The following ZNF578 variants were observed in gnomAD, a reference collection of about 807,000 sequenced individuals.
ZNF578 encodes the protein zinc finger protein 578.
Under a neutral mutation model 8.3 loss-of-function variants are expected in ZNF578, and 8 were observed. The ratio of observed to expected loss-of-function variants is 0.96; its 90% CI spans 0.56 to 1.74. The LOEUF (loss-of-function observed/expected upper bound fraction) is 1.74. ZNF578 is among the 40% of genes most tolerant of loss of function. The pLI is 0.00. For missense variants in ZNF578, 726 were observed against 707.5 expected, an observed-to-expected ratio of 1.03 and a Z score of -0.30; for synonymous variants, 206 against 232.2, an observed-to-expected ratio of 0.89 and a Z score of 1.03.
At chr19:52,506,106 G>A (rs1164431489) in intron 5 of ZNF578, among the ~76,000 whole-genome samples, 1 of 151,960 alleles carries the variant, frequency 6.6e-6, no homozygotes, top group African/African-American at 2.4e-5. Flanking sequence ...CACCATGTTG[G>A]CTAGGCTTCT....
At position 52,511,176 on chromosome 19, in the gene ZNF578, C is replaced by T. The variant is rs1202280107; in HGVS notation, c.795C>T (p.Gly265=). Residue 265 remains glycine (G), a synonymous_variant, in exon 6 of 6, where the codon GGC becomes GGT. Transcript: ENST00000421239. ...GEKQYKFDIC[G]KVFNEKRYLA... is the part of the protein sequence containing the mutation. ...AACAATATAAATTTGATATATGTGG[C>T]AAAGTCTTTAATGAGAAGCGATACC... 6.2e-7 allele frequency: 1 copy of T among 1,614,068 alleles called. No individual in the cohort carries two copies. The highest frequency in any genetic ancestry group is 1.3e-5 in the African/African-American group (1 of 74,942).
intron 3 of ZNF578, among the ~76,000 whole-genome samples, chr19:52,492,646 AAAC>A (rs1419084290): frequency 4.6e-5 from 7 of 152,126 alleles, no homozygotes; most frequent in Non-Finnish European, 7.4e-5. Flanking sequence ...AACACCCAAA[AAAC>A]AGAGGAGCTG....
intron 5 of ZNF578, among the ~76,000 whole-genome samples, chr19:52,508,612 A>G (rs780349439): frequency 6.6e-6 from 1 of 151,494 alleles, no homozygotes; most frequent in East Asian, 2.0e-4. Context: ...AACTTAACCA[A>G]CAGGAGAAAC....
intron 3 of ZNF578, among the ~76,000 whole-genome samples, chr19:52,495,152 A>T (rs1227927817): frequency 7.0e-6 from 1 of 142,584 alleles, no homozygotes; most frequent in Admixed American, 7.1e-5. Flanking sequence ...CAGCCTACAT[A>T]CTAATTATTA....
At position 52,494,746 on chromosome 19, in the gene ZNF578, C is replaced by T. The variant is rs557010636; in HGVS notation, c.-20+3321C>T. ...CAGTGACATTCAGTTGTGAGTCACT[C>T]TCTTCCCTTTTCCCAGGGTGGGGTA... On this transcript the variant is annotated intron_variant, in intron 3 of 5. Coordinates refer to ENST00000421239, the MANE Select transcript of ZNF578 (RefSeq NM_001099694.2). 2.0e-5 allele frequency among the ~76,000 whole-genome samples: 3 copies of T among 152,142 alleles called. No individual in the cohort carries two copies. In the South Asian group the frequency reaches 6.2e-4, roughly 32 times the overall value.
chr19:52,514,109 C>T lies in ZNF578; in HGVS notation c.*1955C>T, dbSNP rs1279121780. ...CTTCCCTTTTTTTTCCTTCTGGTTC[C>T]TCTTCAGTTCTCTATTTATTTTTTC... On this transcript the variant is annotated 3_prime_UTR_variant, in exon 6 of 6. Coordinates refer to ENST00000421239, the MANE Select transcript of ZNF578 (RefSeq NM_001099694.2). 2.0e-5 allele frequency among the ~76,000 whole-genome samples: 3 copies of T among 148,780 alleles called. No homozygotes were observed. The highest frequency in any genetic ancestry group is 3.0e-5 in the Non-Finnish European group (2 of 67,074).
At chr19:52,494,234 C>T (rs2059377712) in intron 3 of ZNF578, among the ~76,000 whole-genome samples, 1 of 152,070 alleles carries the variant, frequency 6.6e-6, no homozygotes, top group South Asian at 2.1e-4. Context: ...AGCCTGTAAT[C>T]CCAGCACTTT....
Position 52,511,213 on chromosome 19 carries a change from C to T in ZNF578, c.832C>T (p.Arg278Cys), listed in dbSNP as rs761763141. The change falls in exon 6 of 6, where the codon CGT (arginine) becomes TGT (cysteine). Residue 278 changes from arginine to cysteine, a missense_variant. Arg to Cys is a radical substitution (Grantham distance 180). Transcript: ENST00000421239. ...TGAGAAGCGATACCTTGCACGCCAT[C>T]GTAGATGTCACACTAGTGAGAAACC... ...FNEKRYLARH[R>C]RCHTSEKPYK... The T allele has an allele frequency of 8.7e-6, 14 of 1,614,062 alleles. No individual in the cohort carries two copies. The highest frequency in any genetic ancestry group is 1.2e-5 in the Non-Finnish European group (14 of 1,180,042).
intron 2 of ZNF578, among the ~76,000 whole-genome samples, chr19:52,469,157 G>GTTTTTTT (rs1325423361): frequency 3.0e-5 from 1 of 32,896 alleles, no homozygotes; most frequent in Non-Finnish European, 1.2e-4. Context: ...ACCTGGAGTG[G>GTTTTTTT]TTTTTTTTTG....
At position 52,511,256 on chromosome 19, in the gene ZNF578, G is replaced by C. The variant is rs762625032; in HGVS notation, c.875G>C (p.Cys292Ser). 8.1e-6 allele frequency: 13 copies of C among 1,614,032 alleles called. 1 individual carries two copies. In the South Asian group the frequency reaches 1.3e-4, roughly 16 times the overall value. The change falls in exon 6 of 6, where the codon TGT (cysteine) becomes TCT (serine). Residue 292 changes from cysteine (C) to serine (S), a missense_variant. Coordinates refer to ENST00000421239, the MANE Select transcript of ZNF578 (RefSeq NM_001099694.2). Reference protein sequence around the residue: ...TSEKPYKCNECGKSFSYKSSL... With the variant: ...TSEKPYKCNESGKSFSYKSSL... ...GAGAAACCTTACAAGTGTAATGAAT[G>C]TGGAAAGTCCTTCAGTTACAAGTCA...
intron 4 of ZNF578, among the ~76,000 whole-genome samples, chr19:52,504,390 C>T (rs529765719): frequency 7.5e-4 from 114 of 152,028 alleles, no homozygotes; most frequent in Admixed American, 4.1e-3. Context: ...CATGCCCAGC[C>T]CTGTGTTTCC....
intron 5 of ZNF578, among the ~76,000 whole-genome samples, chr19:52,506,714 C>T (rs1170261797): frequency 4.6e-5 from 7 of 152,238 alleles, no homozygotes; most frequent in Non-Finnish European, 8.8e-5. Context: ...TCTTGATCCA[C>T]CTGCCCATTA....
Position 52,511,674 on chromosome 19 carries a change from CTG to C in ZNF578, c.1296_1297del (p.Cys432TrpfsTer2), listed in dbSNP as rs769361593. The stretch of plus-strand genomic sequence containing the variant: ...GAGAGAAACCTTACAAGTGTAATGA[CTG>C]TGGTAAGGCTTTTATTCATCAGTCA... ...TGEKPYKCND[C>X]GKAFIHQSSL... On this transcript the variant is annotated frameshift_variant, in exon 6 of 6. Coordinates refer to ENST00000421239, the MANE Select transcript of ZNF578 (RefSeq NM_001099694.2). LOFTEE classifies it low-confidence loss of function (END_TRUNC). 1 of 1,612,014 alleles carries C rather than the reference CTG, an allele frequency of 6.2e-7. No homozygotes were observed. The highest frequency in any genetic ancestry group is 8.5e-7 in the Non-Finnish European group (1 of 1,179,370).
chr19:52,458,869 T>C (rs2059247625), intron 2 of ZNF578: 2 of 152,220 alleles, frequency 1.3e-5, no homozygotes, highest in African/African-American at 4.8e-5. Context: ...AATTTTTGCG[T>C]ATATCATAAG....
At chr19:52,506,338 C>T (rs1294655130) in intron 5 of ZNF578, among the ~76,000 whole-genome samples, 2 of 150,832 alleles carry the variant, frequency 1.3e-5, no homozygotes, top group African/African-American at 4.9e-5. Context: ...AGGCTGGGTG[C>T]GGTGGCCCAT....
intron 2 of ZNF578, among the ~76,000 whole-genome samples, chr19:52,460,314 C>CTT (rs35382657): frequency 2.1e-5 from 3 of 145,912 alleles, no homozygotes; most frequent in African/African-American, 2.5e-5. Context: ...CTCTCCAACA[C>CTT]TTTTTTTTTT....
intron 2 of ZNF578, among the ~76,000 whole-genome samples, chr19:52,491,015 T>C (rs2059363381): frequency 6.6e-6 from 1 of 152,106 alleles, no homozygotes; most frequent in African/African-American, 2.4e-5. Flanking sequence ...CAGTGATATG[T>C]TTTTTTGCAA....
At chr19:52,482,812 C>T (rs2059331504) in intron 2 of ZNF578, among the ~76,000 whole-genome samples, 1 of 151,564 alleles carries the variant, frequency 6.6e-6, no homozygotes, top group Admixed American at 6.6e-5. Flanking sequence ...TGGTACATGC[C>T]TCTAATTTCA....
chr19:52,466,338 A>G (rs569579585), intron 2 of ZNF578, among the ~76,000 whole-genome samples: 5 of 152,274 alleles, frequency 3.3e-5, no homozygotes, highest in Admixed American at 6.5e-5. Flanking sequence ...CTTGAACACA[A>G]TGTTTACAGA....
Sources: gnomAD v4.1 joint callset for allele counts (sites outside exome capture counted in the v4.1 genomes callset) on GRCh38, gnomAD v4.1.1 for gene constraint, MANE v1.5 for transcripts, NCBI Gene and HGNC (gene_info 2026-07-23, HGNC 2026-07-21) for gene names.